Variants in ST6GALNAC3 observed in about 807,000 individuals in gnomAD.
ST6GALNAC3 encodes ST6 N-acetylgalactosaminide alpha-2,6-sialyltransferase 3.
Under a neutral mutation model 32.7 loss-of-function variants are expected in ST6GALNAC3, and 25 were observed. The ratio of observed to expected loss-of-function variants is 0.76; its 90% CI spans 0.56 to 1.07. The LOEUF (loss-of-function observed/expected upper bound fraction) is 1.07, where lower values mean the gene tolerates loss of function less well. Ranked by LOEUF, ST6GALNAC3 falls within the 50% of genes least tolerant of loss-of-function variation. The pLI is 0.00. For synonymous variants in ST6GALNAC3, 129 were observed against 133.1 expected (o/e 0.97, Z 0.21); for missense variants, 355 against 382.4 (o/e 0.93, Z 0.60).
intron 1 of ST6GALNAC3, among the ~76,000 whole-genome samples, chr1:76,197,293 T>C (rs572596517): frequency 6.6e-6 from 1 of 152,344 alleles, no homozygotes; most frequent in Non-Finnish European, 1.5e-5. Context: ...ACTTAACAAA[T>C]ATGTGTGTGC....
At chr1:76,603,869 A>T (rs987287333) in intron 3 of ST6GALNAC3, among the ~76,000 whole-genome samples, 9 of 152,184 alleles carry the variant, frequency 5.9e-5, no homozygotes, top group African/African-American at 2.2e-4. Context: ...CTATGGGCCT[A>T]TGAACACATT....
chr1:76,299,187 G>C (rs1357659092), intron 1 of ST6GALNAC3, among the ~76,000 whole-genome samples: 1 of 152,086 alleles, frequency 6.6e-6, no homozygotes, highest in Non-Finnish European at 1.5e-5. Flanking sequence ...TTGTGAATTG[G>C]TGGCTAGGTG....
chr1:76,093,683 A>C (rs993949357), intron 1 of ST6GALNAC3, among the ~76,000 whole-genome samples: 15 of 152,198 alleles, frequency 9.9e-5, no homozygotes, highest in Non-Finnish European at 2.1e-4. Context: ...ATCCTCCTCT[A>C]CTGGAGACAA....
chr1:76,226,020 G>A (rs1656046833), intron 1 of ST6GALNAC3, among the ~76,000 whole-genome samples: 1 of 152,128 alleles, frequency 6.6e-6, no homozygotes, highest in African/African-American at 2.4e-5. Flanking sequence ...TGGTATGAAA[G>A]CATAACTGAT....
chr1:76,076,419 C>T (rs937090736), intron 1 of ST6GALNAC3, among the ~76,000 whole-genome samples: 1 of 152,220 alleles, frequency 6.6e-6, no homozygotes, highest in African/African-American at 2.4e-5. Flanking sequence ...CTTCCCTCCA[C>T]TGAAACTAAT....
intron 1 of ST6GALNAC3, among the ~76,000 whole-genome samples, chr1:76,217,122 C>T (rs1655508777): frequency 6.6e-6 from 1 of 152,136 alleles, no homozygotes; most frequent in Admixed American, 6.5e-5. Flanking sequence ...CATAATAGTA[C>T]CCTCTAACTC....
At chr1:76,517,929 T>C (rs899841646) in intron 3 of ST6GALNAC3, among the ~76,000 whole-genome samples, 1 of 152,064 alleles carries the variant, frequency 6.6e-6, no homozygotes, top group Non-Finnish European at 1.5e-5. Flanking sequence ...ATTTCTACTG[T>C]TACAAATGTG....
chr1:76,550,880 C>T (rs11805415), intron 3 of ST6GALNAC3, among the ~76,000 whole-genome samples: 1,785 of 152,152 alleles, frequency 0.012, 43 homozygotes, highest in African/African-American at 0.041. Flanking sequence ...CACAGCCTCC[C>T]GAGTAGCTGG....
chr1:76,482,981 T>C (rs1474280468), intron 3 of ST6GALNAC3, among the ~76,000 whole-genome samples: 2 of 150,586 alleles, frequency 1.3e-5, no homozygotes, highest in East Asian at 4.0e-4. Context: ...TGGTGTTTGG[T>C]TTTTTGTCCT....
rs116811914 is a variant in ST6GALNAC3 at position 76,304,710 on chromosome 1, A to G, written c.19-9095A>G. Among the ~76,000 whole-genome samples, 720 of 152,208 alleles carry G rather than the reference A, an allele frequency of 4.7e-3. 11 individuals are homozygous for G. Among genetic ancestry groups the G allele is most frequent in the African/African-American group, 0.016 (679 of 41,542 alleles). On this transcript the variant is annotated intron_variant, in intron 1 of 4. Transcript: ENST00000328299. ...AATGCCATTTAATGTAAGGTCATGT[A>G]GATTCACAGAAAAATAAGAGATTCC... is the stretch of plus-strand genomic sequence containing the variant.
intron 3 of ST6GALNAC3, among the ~76,000 whole-genome samples, chr1:76,499,529 G>A (rs572773755): frequency 1.3e-5 from 2 of 151,934 alleles, no homozygotes; most frequent in African/African-American, 4.8e-5. Context: ...CCACGTTCTC[G>A]GTTCTACTCA....
intron 1 of ST6GALNAC3, among the ~76,000 whole-genome samples, chr1:76,198,916 A>C (rs1489805894): frequency 6.6e-6 from 1 of 152,142 alleles, no homozygotes; most frequent in Non-Finnish European, 1.5e-5. Context: ...CTGAATGGGA[A>C]GGCCTGGGGA....
intron 3 of ST6GALNAC3, among the ~76,000 whole-genome samples, chr1:76,413,218 T>G (rs1186345069): frequency 6.6e-6 from 1 of 152,132 alleles, no homozygotes; most frequent in East Asian, 1.9e-4. Flanking sequence ...TTCTTTCTTT[T>G]TAGAAAGATA....
intron 2 of ST6GALNAC3, among the ~76,000 whole-genome samples, chr1:76,323,649 A>T (rs1031153332): frequency 5.3e-5 from 8 of 152,296 alleles, no homozygotes; most frequent in Non-Finnish European, 8.8e-5. Context: ...GATAAATAAA[A>T]TTTTTTCATA....
chr1:76,222,568 G>A (rs977326414), intron 1 of ST6GALNAC3, among the ~76,000 whole-genome samples: 4 of 152,004 alleles, frequency 2.6e-5, no homozygotes, highest in Admixed American at 1.3e-4. Context: ...GCTTAATGAC[G>A]AGTTAATGGG....
At chr1:76,292,371 C>G (rs564052031) in intron 1 of ST6GALNAC3, among the ~76,000 whole-genome samples, 21 of 152,190 alleles carry the variant, frequency 1.4e-4, no homozygotes, top group Non-Finnish European at 2.4e-4. Flanking sequence ...AACCAGTGGG[C>G]TTTCAATATC....
intron 1 of ST6GALNAC3, among the ~76,000 whole-genome samples, chr1:76,109,645 CAG>C (rs1355176015): frequency 1.3e-5 from 2 of 152,240 alleles, no homozygotes; most frequent in African/African-American, 2.4e-5. Context: ...TCAGGCTGAG[CAG>C]AGAGTGGCAA....
chr1:76,629,980 A>G lies in ST6GALNAC3; in HGVS notation c.*1174A>G. On this transcript the variant is annotated 3_prime_UTR_variant, in exon 5 of 5. Transcript: ENST00000328299. Reference sequence around the variant, plus strand: ...AGTGTATCAGTTGTTATGCCACAATAACAACAATAATAATGTTCTTAATGT... The same window carrying G: ...AGTGTATCAGTTGTTATGCCACAATGACAACAATAATAATGTTCTTAATGT... The G allele has an allele frequency of 1.0e-6, 1 of 985,126 alleles. No homozygotes were observed. The highest frequency in any genetic ancestry group is 1.2e-6 in the Non-Finnish European group (1 of 829,772). 61.0% of individuals were successfully genotyped at this position (985,126 alleles called of 1,614,324 possible). A position where few individuals can be genotyped will look rare whatever the true frequency, so the allele number is the denominator to read the frequency against.
intron 1 of ST6GALNAC3, among the ~76,000 whole-genome samples, chr1:76,078,611 G>A (rs1255479308): frequency 6.6e-6 from 1 of 152,086 alleles, no homozygotes; most frequent in African/African-American, 2.4e-5. Flanking sequence ...ATTCCTCAAT[G>A]GGTTATTCTA....
Sources: gnomAD v4.1 joint callset for allele counts (sites outside exome capture counted in the v4.1 genomes callset) on GRCh38, gnomAD v4.1.1 for gene constraint, MANE v1.5 for transcripts, NCBI Gene and HGNC (gene_info 2026-07-23, HGNC 2026-07-21) for gene names.